Variants in SETDB1 observed in about 807,000 individuals in gnomAD.
SETDB1 encodes SET domain bifurcated histone lysine methyltransferase 1, also known as histone-lysine N-methyltransferase SETDB1.
A neutral mutation model predicts 137.4 loss-of-function variants in SETDB1; 31 were observed. That is an observed-to-expected ratio of 0.23 (90% confidence interval 0.17 to 0.30). The LOEUF (loss-of-function observed/expected upper bound fraction) is 0.30, where lower values mean the gene tolerates loss of function less well. SETDB1 is among the 10% of genes least tolerant of loss of function. SETDB1 has a pLI of 1.00. For synonymous variants in SETDB1, 548 were observed against 579.9 expected, an observed-to-expected ratio of 0.95 and a Z score of 0.79; for missense variants, 1,113 against 1,631.5, an observed-to-expected ratio of 0.68 and a Z score of 5.47.
chr1:150,964,473 C>T lies in SETDB1; in HGVS notation c.*109C>T, dbSNP rs960104483. ...TCTCTGGGCTAGCTACTCCCCCCAG[C>T]TCCTAGTTGATAGAAATGGGGGTTC... On this transcript the variant is annotated 3_prime_UTR_variant, in exon 22 of 22. Transcript: ENST00000692827. 3.8e-6 allele frequency: 3 copies of T among 784,340 alleles called. No homozygotes were observed. Among genetic ancestry groups the T allele is most frequent in the African/African-American group, 3.4e-5 (2 of 58,438 alleles). 48.6% of individuals were successfully genotyped at this position (784,340 alleles called of 1,614,324 possible). A position where few individuals can be genotyped will look rare whatever the true frequency, so the allele number is the denominator to read the frequency against.
At position 150,963,055 on chromosome 1, in the gene SETDB1, G is replaced by C. The variant is rs1472062937; in HGVS notation, c.3376G>C (p.Ala1126Pro). 4 of 1,614,080 alleles carry C rather than the reference G, an allele frequency of 2.5e-6. No individual in the cohort carries two copies. Among genetic ancestry groups the C allele is most frequent in the Non-Finnish European group, 3.4e-6 (4 of 1,180,044 alleles). The change falls in exon 19 of 22, where the codon GCT becomes CCT. Residue 1126 changes from alanine to proline, a missense_variant. By Grantham distance (27) the Ala-to-Pro change is conservative. Around this residue, in one of 11 missense-constraint regions of SETDB1, gnomAD observed 373 missense variants for 412.7 expected, o/e 0.90. Coordinates refer to ENST00000692827, the MANE Select transcript of SETDB1 (RefSeq NM_001366418.1). ...AAAGCCCACTGCTGGTCAGACTTCG[G>C]CTACAGCGGTTGACAGTGATGATAT... ...SRKPTAGQTSATAVDSDDIQT... is the reference protein window; with the variant it reads ...SRKPTAGQTSPTAVDSDDIQT...
rs1415294013 is a variant in SETDB1, at chr1:150,959,163, C to T, written c.2334-15C>T. On this transcript the variant is annotated splice_polypyrimidine_tract_variant and intron_variant, in intron 14 of 21. Transcript: ENST00000692827. ...TGATCATACCGTGATTGATTTTATT[C>T]TAACCTCCTCCCAGGGTATATGAGT... 1 of 1,520,488 alleles carries T rather than the reference C, an allele frequency of 6.6e-7. No individual in the cohort carries two copies. The highest frequency in any genetic ancestry group is 8.8e-7 in the Non-Finnish European group (1 of 1,140,724). 94.2% of individuals were successfully genotyped at this position (1,520,488 alleles called of 1,614,324 possible). A position where few individuals can be genotyped will look rare whatever the true frequency, so the allele number is the denominator to read the frequency against.
intron 9 of SETDB1, 27 bp downstream of exon 9, chr1:150,945,135 G>C: frequency 6.2e-7 from 1 of 1,613,710 alleles, no homozygotes; most frequent in Non-Finnish European, 8.5e-7. Flanking sequence ...CAATTTTGGA[G>C]GCAGAGGTTG....
chr1:150,928,309 G>A (rs1669604692), intron 2 of SETDB1: 1 of 237,044 alleles, frequency 4.2e-6, no homozygotes, highest in African/African-American at 2.3e-5. Context: ...AAGTACAGAT[G>A]TTTAGAACCT....
Position 150,926,397 on chromosome 1 carries a change from C to T in SETDB1, c.-132C>T. The T allele has an allele frequency of 9.3e-6, 2 of 214,888 alleles. No individual in the cohort carries two copies. The highest frequency in any genetic ancestry group is 1.1e-4 in the South Asian group (2 of 18,464). 13.3% of individuals were successfully genotyped at this position (214,888 alleles called of 1,614,324 possible). A position where few individuals can be genotyped will look rare whatever the true frequency, so the allele number is the denominator to read the frequency against. On this transcript the variant is annotated 5_prime_UTR_variant, in exon 1 of 22. Transcript: ENST00000692827. ...GCTTCCCCTTCCCTCTTTCACGCTTCCTCCCCTCCCCCTCCTCCCTTATCC... is the reference window on the plus strand; with the variant it reads ...GCTTCCCCTTCCCTCTTTCACGCTTTCTCCCCTCCCCCTCCTCCCTTATCC...
chr1:150,958,809 A>G (rs1291463958), intron 14 of SETDB1, among the ~76,000 whole-genome samples: 3 of 152,012 alleles, frequency 2.0e-5, no homozygotes, highest in African/African-American at 4.8e-5. Flanking sequence ...TTGTGCATCT[A>G]TTTCTACAAA....
intron 9 of SETDB1, among the ~76,000 whole-genome samples, chr1:150,945,560 A>G (rs1046932234): frequency 1.3e-5 from 2 of 152,188 alleles, no homozygotes; most frequent in Non-Finnish European, 2.9e-5. Flanking sequence ...CTTATTTTTA[A>G]AAGTTTTAAA....
chr1:150,935,975 C>G (rs902991926), intron 3 of SETDB1, among the ~76,000 whole-genome samples: 3 of 152,076 alleles, frequency 2.0e-5, no homozygotes, highest in African/African-American at 4.8e-5. Flanking sequence ...CCTGAGAGTT[C>G]CATATCCTAG....
At chr1:150,955,585 T>G (rs1367804237) in intron 14 of SETDB1, among the ~76,000 whole-genome samples, 1 of 152,262 alleles carries the variant, frequency 6.6e-6, no homozygotes, top group Non-Finnish European at 1.5e-5. Flanking sequence ...CAGAGAGACC[T>G]TCCCTGACCA....
rs958314540 is a variant in SETDB1 at position 150,929,870 on chromosome 1, G to T, written c.261-97G>T. The T allele has an allele frequency of 4.3e-6, 4 of 937,520 alleles. No homozygotes were observed. The African/African-American group carries it at 6.6e-5, about 15-fold the overall frequency. The allele number at this position is 937,520 out of a possible 1,614,324, so 58.1% of individuals were successfully genotyped here. On this transcript the variant is annotated intron_variant, in intron 2 of 21. Transcript: ENST00000692827. ...TGGAATGTGGCCCATTTAAATTGAG[G>T]ACTGTCTATACTTAAATATATATAC...
chr1:150,932,997 T>C (rs1373484664), intron 3 of SETDB1, among the ~76,000 whole-genome samples: 1 of 152,188 alleles, frequency 6.6e-6, no homozygotes, highest in Non-Finnish European at 1.5e-5. Context: ...TAATTTTTAA[T>C]TAATTTTATT....
At position 150,951,045 on chromosome 1, in the gene SETDB1, C is replaced by G; in HGVS notation, c.2171C>G (p.Pro724Arg). The change falls in exon 13 of 22, where the codon CCT becomes CGT. Residue 724 changes from proline (P) to arginine (R), a missense_variant. Around this residue, in one of 11 missense-constraint regions of SETDB1, gnomAD observed 81 missense variants for 123.4 expected, o/e 0.66. Transcript: ENST00000692827. ...PGKGVFINTG[P>R]EFLVGCDCKD... ...AAGGGTGTTTTCATTAACACAGGCC[C>G]TGAATTTCTGGTTGGCTGTGACTGC... The G allele has an allele frequency of 6.2e-7, 1 of 1,612,840 alleles. No homozygotes were observed. Among genetic ancestry groups the G allele is most frequent in the East Asian group, 2.2e-5 (1 of 44,838 alleles).
At chr1:150,933,611 AGGT>A (rs1212978731) in intron 3 of SETDB1, among the ~76,000 whole-genome samples, 3 of 130,684 alleles carry the variant, frequency 2.3e-5, no homozygotes, top group Non-Finnish European at 5.1e-5. Context: ...TTCTGACCTT[AGGT>A]GATCTGTCCA....
At chr1:150,945,152 G>C in intron 9 of SETDB1, 44 bp downstream of exon 9, 2 of 1,611,680 alleles carry the variant, frequency 1.2e-6, no homozygotes, top group Non-Finnish European at 1.7e-6. Flanking sequence ...GTTGGTGGGG[G>C]GGGAACTTAA....
intron 16 of SETDB1, 123 bp downstream of exon 16, chr1:150,961,314 G>T (rs776957992): frequency 8.9e-6 from 9 of 1,016,046 alleles, no homozygotes; most frequent in Admixed American, 2.2e-5. Flanking sequence ...TGGCCACCTC[G>T]TTATCTCTCC....
chr1:150,962,207 C>T (rs1383298580), intron 17 of SETDB1, 49 bp downstream of exon 17: 1 of 1,568,012 alleles, frequency 6.4e-7, no homozygotes, highest in Non-Finnish European at 8.8e-7. Context: ...CTTGCTTTGT[C>T]ACCCAGGCTG....
intron 15 of SETDB1, 136 bp from the exon 16 acceptor site, chr1:150,960,427 A>G: frequency 1.4e-6 from 1 of 712,326 alleles, no homozygotes; most frequent in South Asian, 1.9e-5. Context: ...CAGTGAGCCG[A>G]GATCGCGCCA....
In SETDB1 at chr1:150,928,749, C is replaced by A. The variant is rs1420416693; in HGVS notation, c.260+775C>A. Among the ~76,000 whole-genome samples the A allele has an allele frequency of 2.0e-5, 3 of 152,066 alleles. No homozygotes were observed. In the South Asian group the frequency reaches 6.2e-4, roughly 32 times the overall value. On this transcript the variant is annotated intron_variant, in intron 2 of 21. Coordinates refer to ENST00000692827, the MANE Select transcript of SETDB1 (RefSeq NM_001366418.1). ...CCTAATACTATCCCTCCCCCTTCCC[C>A]CCACCCCACGACAGGCCCCAGTATG...
intron 5 of SETDB1, among the ~76,000 whole-genome samples, chr1:150,941,741 T>A (rs587595440): frequency 5.3e-5 from 8 of 152,098 alleles, no homozygotes; most frequent in African/African-American, 1.4e-4. Context: ...TCTGTAATTC[T>A]AGCAGCTTTG....
Sources: allele counts gnomAD v4.1 joint callset (sites outside exome capture counted in the v4.1 genomes callset), GRCh38; gene constraint gnomAD v4.1.1; regional missense constraint gnomAD v4.1.1; transcripts MANE v1.5; gene names NCBI Gene and HGNC (gene_info 2026-07-23, HGNC 2026-07-21).